Variants in TJP2 observed in about 807,000 individuals in gnomAD.
TJP2 encodes the protein tight junction protein 2.
In TJP2, 91 loss-of-function variants were observed where a neutral mutation model predicts 133.1. The ratio of observed to expected loss-of-function variants is 0.68; its 90% confidence interval spans 0.58 to 0.81. TJP2 has a LOEUF of 0.81. Ranked by LOEUF, TJP2 falls within the 40% of genes least tolerant of loss-of-function variation. TJP2 has a pLI of 0.00. For missense variants in TJP2, 1,541 were observed against 1,565.6 expected, an observed-to-expected ratio of 0.98 and a Z score of 0.26; for synonymous variants, 592 against 583.4, an observed-to-expected ratio of 1.01 and a Z score of -0.21.
chr9:69,132,818 G>A (rs1822556309), intron 1 of TJP2, among the ~76,000 whole-genome samples: 1 of 152,116 alleles, frequency 6.6e-6, no homozygotes, highest in Admixed American at 6.5e-5. Context: ...AGGCTTAGTG[G>A]GAGTTCAGAA....
chr9:69,130,466 T>C (rs1822444919), intron 1 of TJP2, among the ~76,000 whole-genome samples: 1 of 152,154 alleles, frequency 6.6e-6, no homozygotes, highest in African/African-American at 2.4e-5. Context: ...CAGGCCCCCC[T>C]CCTGGAGTTT....
At chr9:69,186,064 G>A (rs1564414771) in intron 1 of TJP2, among the ~76,000 whole-genome samples, 2 of 151,914 alleles carry the variant, frequency 1.3e-5, no homozygotes, top group Admixed American at 6.6e-5. Context: ...CGCCGCGCCC[G>A]GCCAATGTAG....
In TJP2 at chr9:69,254,477, A is replaced by G; in HGVS notation, c.*103A>G. The G allele has an allele frequency of 6.8e-7, 1 of 1,472,562 alleles. No homozygotes were observed. Among genetic ancestry groups the G allele is most frequent in the Non-Finnish European group, 9.4e-7 (1 of 1,066,948 alleles). The allele number at this position is 1,472,562 out of a possible 1,614,324, so 91.2% of individuals were successfully genotyped here. A position where few individuals can be genotyped will look rare whatever the true frequency, so the allele number is the denominator to read the frequency against. ...CTTCTCCAGTTAGAATGCACCATGG[A>G]GACGTGGTGGGACTCCAGCTCGTGT... On this transcript the variant is annotated 3_prime_UTR_variant, in exon 23 of 23. Coordinates refer to ENST00000377245, the MANE Select transcript of TJP2 (RefSeq NM_004817.4).
chr9:69,215,863 G>A (rs533723270), intron 2 of TJP2, among the ~76,000 whole-genome samples: 52 of 152,208 alleles, frequency 3.4e-4, no homozygotes, highest in African/African-American at 1.1e-3. Flanking sequence ...TGATCACACC[G>A]CTGCACTCCA....
intron 17 of TJP2, 80 bp from the exon 18 acceptor site, chr9:69,246,610 G>A (rs1253931032): frequency 3.4e-6 from 4 of 1,190,060 alleles, no homozygotes; most frequent in South Asian, 2.5e-5. Context: ...ACAGAAATGA[G>A]TGTAAATTAT....
chr9:69,123,207 A>AGTTGGTGTGTGATTTTGGTTTTTACTT (rs1291429858), intron 1 of TJP2, among the ~76,000 whole-genome samples: 5 of 21,418 alleles, frequency 2.3e-4, no homozygotes, highest in Admixed American at 1.4e-3. Flanking sequence ...CCACCAGGAC[A>AGTTGGTGTGTGATTTTGGTTTTTACTT]CTCTACAGCC....
intron 1 of TJP2, 24 bp downstream of exon 1, chr9:69,174,456 G>A (rs759277222): frequency 6.5e-6 from 10 of 1,544,528 alleles, no homozygotes; most frequent in South Asian, 1.2e-5. Flanking sequence ...TGTGCCGCGC[G>A]GTTGGGAGGA....
intron 1 of TJP2, among the ~76,000 whole-genome samples, chr9:69,188,659 A>G (rs575644631): frequency 1.3e-5 from 2 of 152,362 alleles, no homozygotes; most frequent in South Asian, 2.1e-4. Flanking sequence ...TGTGTTCATT[A>G]CTGTATGAGA....
At position 69,236,238 on chromosome 9, in the gene TJP2, G is replaced by A. The variant is rs1376874576; in HGVS notation, c.1991G>A (p.Arg664Lys). The A allele has an allele frequency of 6.2e-7, 1 of 1,613,796 alleles. No homozygotes were observed. Among genetic ancestry groups the A allele is most frequent in the Non-Finnish European group, 8.5e-7 (1 of 1,180,016 alleles). ...AAAGGCTTAATCCCCAACAAGAGCA[G>A]GTAACAGAGATCGCATTCTCACATA... ...LEKGLIPNKS[R>K]AEQMASVQNA... The change falls in exon 13 of 23, where the codon AGA (arginine) becomes AAA (lysine). Residue 664 changes from arginine (R) to lysine (K), a missense_variant and splice_region_variant. Coordinates refer to ENST00000377245, the MANE Select transcript of TJP2 (RefSeq NM_004817.4).
chr9:69,205,851 G>A (rs1179985060), intron 1 of TJP2, among the ~76,000 whole-genome samples: 1 of 152,122 alleles, frequency 6.6e-6, no homozygotes, highest in East Asian at 1.9e-4. Flanking sequence ...CTGTTCAGGG[G>A]GACTTTGGGC....
intron 1 of TJP2, among the ~76,000 whole-genome samples, chr9:69,137,760 A>T (rs1437387974): frequency 6.6e-6 from 1 of 151,766 alleles, no homozygotes; most frequent in Non-Finnish European, 1.5e-5. Flanking sequence ...GGGTCCCCAG[A>T]TCTCCTGGTC....
At chr9:69,158,078 G>A (rs1369911266) in intron 2 of TJP2, among the ~76,000 whole-genome samples, 1 of 151,700 alleles carries the variant, frequency 6.6e-6, no homozygotes, top group East Asian at 1.9e-4. Flanking sequence ...ACTTTGGGAG[G>A]CTGAGGCGGT....
At chr9:69,247,103 C>T (rs567915988) in intron 18 of TJP2, among the ~76,000 whole-genome samples, 28 of 152,240 alleles carry the variant, frequency 1.8e-4, no homozygotes, top group Admixed American at 2.6e-4. Flanking sequence ...TTACTAAGGA[C>T]GTGGGAAACT....
At chr9:69,243,336 C>A (rs1035086236) in intron 17 of TJP2, among the ~76,000 whole-genome samples, 1 of 152,180 alleles carries the variant, frequency 6.6e-6, no homozygotes, top group African/African-American at 2.4e-5. Flanking sequence ...AATAAGAAAG[C>A]TCCTCTTCCT....
At chr9:69,240,298 G>A (rs913072345) in intron 17 of TJP2, 151 bp downstream of exon 17, 2 of 798,862 alleles carry the variant, frequency 2.5e-6, no homozygotes, top group South Asian at 3.3e-5. Context: ...TGGGATATTA[G>A]GCCAATGGCA....
At chr9:69,204,617 T>C (rs1827251946) in intron 1 of TJP2, among the ~76,000 whole-genome samples, 1 of 152,156 alleles carries the variant, frequency 6.6e-6, no homozygotes, top group Non-Finnish European at 1.5e-5. Context: ...ACCAAATGAG[T>C]CTTATCTTCC....
intron 16 of TJP2, among the ~76,000 whole-genome samples, chr9:69,239,087 G>A (rs1045176987): frequency 3.3e-5 from 5 of 152,218 alleles, no homozygotes; most frequent in African/African-American, 1.2e-4. Flanking sequence ...CACTCAGGAG[G>A]CTGAGGCAGG....
chr9:69,240,183 A>T (rs1018862438), intron 17 of TJP2, 36 bp downstream of exon 17: 2 of 1,561,250 alleles, frequency 1.3e-6, no homozygotes, highest in Admixed American at 1.7e-5. Flanking sequence ...TTTGCTAAAA[A>T]ATGAGAAATA....
intron 17 of TJP2, among the ~76,000 whole-genome samples, chr9:69,245,955 C>A (rs1450236037): frequency 6.6e-6 from 1 of 152,158 alleles, no homozygotes; most frequent in African/African-American, 2.4e-5. Context: ...TTTCCACATT[C>A]ATGAATTCAA....
Sources: gnomAD v4.1 joint callset for allele counts (sites outside exome capture counted in the v4.1 genomes callset) on GRCh38, gnomAD v4.1.1 for gene constraint, MANE v1.5 for transcripts, NCBI Gene and HGNC (gene_info 2026-07-23, HGNC 2026-07-21) for gene names.